Variants in PRKG2 observed in about 807,000 individuals in gnomAD.
The protein encoded by PRKG2 is protein kinase cGMP-dependent 2.
In PRKG2, 33 loss-of-function variants were observed where a neutral mutation model predicts 97.2. The ratio of observed to expected loss-of-function variants is 0.34; its 90% CI spans 0.26 to 0.45. The LOEUF is 0.45. Among genes scored for constraint, PRKG2 ranks in the 20% least tolerant of loss-of-function variants. PRKG2 has a pLI of 1.00. For missense variants in PRKG2, 638 were observed against 900.0 expected, an observed-to-expected ratio of 0.71 and a Z score of 3.73; for synonymous variants, 330 against 321.8, an observed-to-expected ratio of 1.03 and a Z score of -0.27.
chr4:81,160,103 G>GT (rs1375749088), intron 6 of PRKG2, among the ~76,000 whole-genome samples: 4 of 151,690 alleles, frequency 2.6e-5, no homozygotes, highest in African/African-American at 9.7e-5. Flanking sequence ...AAAACTTAAA[G>GT]TATAATAATA....
chr4:81,165,253 G>C (rs1377988467), intron 6 of PRKG2, among the ~76,000 whole-genome samples: 1 of 152,044 alleles, frequency 6.6e-6, no homozygotes, highest in African/African-American at 2.4e-5. Flanking sequence ...ATTTGTTCTA[G>C]GAGTTCAACC....
At chr4:81,161,785 A>G (rs1275758053) in intron 6 of PRKG2, among the ~76,000 whole-genome samples, 1 of 152,182 alleles carries the variant, frequency 6.6e-6, no homozygotes, top group Non-Finnish European at 1.5e-5. Context: ...TTCTATGCTC[A>G]TGCAACTATA....
chr4:81,144,255 A>T lies in PRKG2; in HGVS notation c.1230T>A (p.Arg410=). 6.2e-7 allele frequency: 1 copy of T among 1,610,948 alleles called. No individual in the cohort carries two copies. The highest frequency in any genetic ancestry group is 8.5e-7 in the Non-Finnish European group (1 of 1,177,438). Reference sequence around the variant, plus strand: ...ACTTCGCATGTCTTTTTTCATCATCACGGTTCAGGTTTGCCACATATCCTT... The same window carrying T: ...ACTTCGCATGTCTTTTTTCATCATCTCGGTTCAGGTTTGCCACATATCCTT... ...YLEGYVANLN[R]DDEKRHAKRS... Residue 410 remains arginine (R), a synonymous_variant, in exon 10 of 19, where the codon CGT becomes CGA. Coordinates refer to ENST00000264399, the MANE Select transcript of PRKG2 (RefSeq NM_006259.3).
rs558121162 is a variant in PRKG2 at position 81,127,036 on chromosome 4, T to G, written c.1776+8119A>C. 2.0e-5 allele frequency among the ~76,000 whole-genome samples: 3 copies of G among 152,306 alleles called. No homozygotes were observed. In the South Asian group the frequency reaches 6.2e-4, roughly 32 times the overall value. ...ATTTAAGTCTTTATCTTGAGTTAAT[T>G]TTTGTATAAGATGTAAGGAAGGGGT... On this transcript the variant is annotated intron_variant, in intron 14 of 18. Coordinates refer to ENST00000264399, the MANE Select transcript of PRKG2 (RefSeq NM_006259.3).
At chr4:81,147,237 G>T (rs569987269) in intron 9 of PRKG2, among the ~76,000 whole-genome samples, 20 of 150,968 alleles carry the variant, frequency 1.3e-4, no homozygotes, top group African/African-American at 4.8e-4. Flanking sequence ...GAAGAAAAAA[G>T]AAATGAGCTC....
chr4:81,131,642 G>C (rs1478942110), intron 14 of PRKG2, among the ~76,000 whole-genome samples: 1 of 152,124 alleles, frequency 6.6e-6, no homozygotes, highest in Non-Finnish European at 1.5e-5. Context: ...ACAGGTCTAG[G>C]ATTCATCTAG....
intron 2 of PRKG2, among the ~76,000 whole-genome samples, chr4:81,182,177 C>A (rs1431844560): frequency 6.6e-6 from 1 of 151,158 alleles, no homozygotes; most frequent in Non-Finnish European, 1.5e-5. Flanking sequence ...ATATAATATC[C>A]CTAATGAATA....
At chr4:81,112,393 A>G (rs1342651685) in intron 14 of PRKG2, among the ~76,000 whole-genome samples, 1 of 152,194 alleles carries the variant, frequency 6.6e-6, no homozygotes, top group African/African-American at 2.4e-5. Flanking sequence ...TTTAAAAGGC[A>G]AGAAAGTAAT....
At chr4:81,118,292 A>G (rs1744748711) in intron 14 of PRKG2, among the ~76,000 whole-genome samples, 1 of 152,238 alleles carries the variant, frequency 6.6e-6, no homozygotes, top group Non-Finnish European at 1.5e-5. Flanking sequence ...TAAAGCTGCT[A>G]TAAACTTCTG....
chr4:81,093,812 G>A (rs2109943973), intron 17 of PRKG2, among the ~76,000 whole-genome samples: 1 of 152,250 alleles, frequency 6.6e-6, no homozygotes, highest in Non-Finnish European at 1.5e-5. Context: ...AACACCAGGA[G>A]TCAGGAGGCC....
rs567261076 is a variant in PRKG2, at chr4:81,169,629, C to T, written c.848+34G>A. On this transcript the variant is annotated intron_variant, in intron 5 of 18. Coordinates refer to ENST00000264399, the MANE Select transcript of PRKG2 (RefSeq NM_006259.3). ...ATATATTCACAATATGGCGACTCCA[C>T]TGTCTTCACTGTCTCCCAATGTATT... 28 of 1,425,094 alleles carry T rather than the reference C, an allele frequency of 2.0e-5. No individual in the cohort carries two copies. The East Asian group carries it at 5.5e-4, about 28-fold the overall frequency. The allele number at this position is 1,425,094 out of a possible 1,614,324, so 88.3% of individuals were successfully genotyped here. A position where few individuals can be genotyped will look rare whatever the true frequency, so the allele number is the denominator to read the frequency against.
intron 16 of PRKG2, among the ~76,000 whole-genome samples, chr4:81,104,702 T>C (rs1449486486): frequency 3.3e-5 from 5 of 151,980 alleles, no homozygotes; most frequent in African/African-American, 1.2e-4. Flanking sequence ...ATAAATACTT[T>C]AAAGAACAAG....
chr4:81,146,924 T>C (rs904329244), intron 9 of PRKG2, among the ~76,000 whole-genome samples: 2 of 151,642 alleles, frequency 1.3e-5, no homozygotes, highest in South Asian at 2.1e-4. Flanking sequence ...AAATGATGTG[T>C]CAATATTAAA....
chr4:81,157,152 G>T (rs1749175313), intron 6 of PRKG2, among the ~76,000 whole-genome samples: 1 of 151,950 alleles, frequency 6.6e-6, no homozygotes, highest in Non-Finnish European at 1.5e-5. Context: ...CTGGTTTTTT[G>T]AAAGGATCAA....
At chr4:81,103,945 C>A (rs148652369) in intron 17 of PRKG2, among the ~76,000 whole-genome samples, 20 of 152,178 alleles carry the variant, frequency 1.3e-4, no homozygotes, top group African/African-American at 4.8e-4. Context: ...GCAGGAGACT[C>A]ATTTGAACCC....
At chr4:81,198,364 C>T (rs2110122153) in intron 2 of PRKG2, among the ~76,000 whole-genome samples, 1 of 152,244 alleles carries the variant, frequency 6.6e-6, no homozygotes, top group African/African-American at 2.4e-5. Flanking sequence ...GGACTCAAAC[C>T]GGCTGCCAAA....
chr4:81,105,177 T>C (rs1743206111), intron 16 of PRKG2, among the ~76,000 whole-genome samples: 1 of 152,186 alleles, frequency 6.6e-6, no homozygotes, highest in African/African-American at 2.4e-5. Flanking sequence ...GTATTAAGGA[T>C]GTCCGTTGCC....
At chr4:81,193,602 G>C (rs1379191706) in intron 2 of PRKG2, among the ~76,000 whole-genome samples, 2 of 152,204 alleles carry the variant, frequency 1.3e-5, no homozygotes, top group East Asian at 3.9e-4. Context: ...CACTTTGGGA[G>C]GCCAAGGTGG....
At chr4:81,101,474 C>A (rs1210298389) in intron 17 of PRKG2, among the ~76,000 whole-genome samples, 1 of 149,388 alleles carries the variant, frequency 6.7e-6, no homozygotes, top group Non-Finnish European at 1.5e-5. Context: ...GGACAAAAAA[C>A]CAAATACTTC....
Sources: gnomAD v4.1 joint callset for allele counts (sites outside exome capture counted in the v4.1 genomes callset) on GRCh38, gnomAD v4.1.1 for gene constraint, MANE v1.5 for transcripts, NCBI Gene and HGNC (gene_info 2026-07-23, HGNC 2026-07-21) for gene names.